The following USP28 variants were observed in gnomAD, a reference collection of about 807,000 sequenced individuals.
The protein encoded by USP28 is ubiquitin specific peptidase 28.
In USP28, 113 loss-of-function variants were observed where a neutral mutation model predicts 145.0. The ratio of observed to expected loss-of-function variants is 0.78; its 90% confidence interval spans 0.67 to 0.91. The LOEUF is 0.91. USP28 is among the 40% of genes least tolerant of loss of function. USP28 has a pLI of 0.00. For missense variants in USP28, 1,201 were observed against 1,289.6 expected (o/e 0.93, Z 1.05); for synonymous variants, 447 against 450.9 (o/e 0.99, Z 0.11).
intron 13 of USP28, among the ~76,000 whole-genome samples, chr11:113,816,565 T>C (rs2135516372): frequency 1.3e-5 from 2 of 152,132 alleles, no homozygotes; most frequent in Middle Eastern, 3.4e-3. Context: ...CTCCTCACTC[T>C]CTCACATGCA....
At position 113,815,179 on chromosome 11, in the gene USP28, A is replaced by G. The variant is rs766088233; in HGVS notation, c.1667T>C (p.Ile556Thr). 8 of 1,613,782 alleles carry G rather than the reference A, an allele frequency of 5.0e-6. No homozygotes were observed. The Admixed American group carries it at 5.0e-5, about 10-fold the overall frequency. The change falls in exon 14 of 25, where the codon ATA becomes ACA. Residue 556 changes from isoleucine (I) to threonine (T), a missense_variant. Transcript: ENST00000003302. Reference sequence around the variant, plus strand: ...CAAATTTTAAAAGAGCCAACCTTGTATATCTTGTTCAATCTCACTCCTCCA... The same window carrying G: ...CAAATTTTAAAAGAGCCAACCTTGTGTATCTTGTTCAATCTCACTCCTCCA...
intron 14 of USP28, 112 bp from the exon 15 acceptor site, chr11:113,814,067 C>A: frequency 2.7e-6 from 2 of 730,248 alleles, no homozygotes; most frequent in South Asian, 3.8e-5. Context: ...TTTCAGCTTC[C>A]CTCTATGAAC....
chr11:113,853,700 C>A (rs1384412462), intron 2 of USP28, among the ~76,000 whole-genome samples: 1 of 151,750 alleles, frequency 6.6e-6, no homozygotes, highest in African/African-American at 2.4e-5. Flanking sequence ...TATGGTGAAA[C>A]CCCGTCTCTA....
chr11:113,804,233 C>T (rs1939548553), intron 21 of USP28, among the ~76,000 whole-genome samples: 1 of 152,194 alleles, frequency 6.6e-6, no homozygotes, highest in Non-Finnish European at 1.5e-5. Context: ...TATGGAAGGA[C>T]ACGGACATTT....
chr11:113,833,288 A>G (rs562683125), intron 7 of USP28, 132 bp downstream of exon 7: 17 of 1,310,878 alleles, frequency 1.3e-5, no homozygotes, highest in Non-Finnish European at 1.8e-5. Flanking sequence ...TAGGCAAAAC[A>G]AAAGTCAGAA....
chr11:113,868,911 G>A lies in USP28; in HGVS notation c.57+6534C>T, dbSNP rs539756858. 6.9e-5 allele frequency among the ~76,000 whole-genome samples: 10 copies of A among 145,180 alleles called. No individual in the cohort carries two copies. The East Asian group carries it at 1.4e-3, about 21-fold the overall frequency. The stretch of plus-strand genomic sequence containing the variant: ...GCACTACTCCAGCCTAGGTGACAGA[G>A]TAAGACCATGTCTCAAAAAAAAAAA... On this transcript the variant is annotated intron_variant, in intron 1 of 24. Coordinates refer to ENST00000003302, the Ensembl canonical transcript of USP28.
chr11:113,838,740 CTCA>C lies in USP28; in HGVS notation c.534+1855_534+1857del, dbSNP rs1337748074. Among the ~76,000 whole-genome samples, 3 of 152,236 alleles carry C rather than the reference CTCA, an allele frequency of 2.0e-5. No individual in the cohort carries two copies. In the East Asian group the frequency reaches 5.8e-4, roughly 29 times the overall value. The stretch of plus-strand genomic sequence containing the variant: ...CATTCATCTTTACACTTGTCACCTC[CTCA>C]TGTTTTGTTTACTGTCTGTGCCACT... On this transcript the variant is annotated intron_variant, in intron 5 of 24. Coordinates refer to ENST00000003302, the Ensembl canonical transcript of USP28.
At chr11:113,823,509 T>A in intron 12 of USP28, 96 bp downstream of exon 12, 1 of 965,374 alleles carries the variant, frequency 1.0e-6, no homozygotes, top group Non-Finnish European at 1.5e-6. Context: ...ATATTCTAGT[T>A]AATATTTAAA....
chr11:113,822,659 A>C (rs577790125), intron 12 of USP28, among the ~76,000 whole-genome samples: 1 of 152,382 alleles, frequency 6.6e-6, no homozygotes, highest in African/African-American at 2.4e-5. Flanking sequence ...CCAGCCTTAC[A>C]AAGTATCACT....
At chr11:113,839,527 T>G (rs1397675977) in intron 5 of USP28, among the ~76,000 whole-genome samples, 1 of 151,828 alleles carries the variant, frequency 6.6e-6, no homozygotes, top group African/African-American at 2.4e-5. Flanking sequence ...AGAAGTTGCA[T>G]TGAGCCTAGA....
intron 3 of USP28, among the ~76,000 whole-genome samples, chr11:113,845,749 A>G (rs567343947): frequency 1.3e-5 from 2 of 152,226 alleles, no homozygotes; most frequent in Admixed American, 6.5e-5. Flanking sequence ...TAATTTTTCT[A>G]TCTTTTGTAG....
At position 113,850,503 on chromosome 11, in the gene USP28, A is replaced by G. The variant is rs553847046; in HGVS notation, c.268+1998T>C. On this transcript the variant is annotated intron_variant, in intron 3 of 24. Coordinates refer to ENST00000003302, the Ensembl canonical transcript of USP28. ...CCGAAAAAAGTTGCAGTGTGTACCA[A>G]GAGAAACATATGAGAATACTCACAG... Among the ~76,000 whole-genome samples the G allele has an allele frequency of 6.0e-4, 91 of 152,370 alleles. 1 individual carries two copies. Among genetic ancestry groups the G allele is most frequent in the African/African-American group, 2.0e-3 (84 of 41,590 alleles).
chr11:113,818,775 C>T (rs1942150719), intron 12 of USP28, among the ~76,000 whole-genome samples: 3 of 151,804 alleles, frequency 2.0e-5, no homozygotes, highest in Admixed American at 1.3e-4. Context: ...GCAGGAGGAT[C>T]GCTTGAGCCT....
intron 5 of USP28, among the ~76,000 whole-genome samples, chr11:113,839,738 C>A (rs537115589): frequency 9.2e-5 from 14 of 151,662 alleles, no homozygotes; most frequent in African/African-American, 3.4e-4. Flanking sequence ...AAAAATTAGC[C>A]GGGTGGCCAG....
chr11:113,843,428 T>C (rs1945429445), intron 3 of USP28, among the ~76,000 whole-genome samples: 1 of 152,206 alleles, frequency 6.6e-6, no homozygotes, highest in East Asian at 1.9e-4. Flanking sequence ...TCCCAGCACT[T>C]TGGGATGCCA....
exon 25 of USP28, chr11:113,798,705 G>A (rs1938390670): frequency 6.6e-6 from 1 of 152,622 alleles, no homozygotes; most frequent in Non-Finnish European, 1.5e-5. Context: ...TGCCATGTGA[G>A]CTTATATTCT....
intron 10 of USP28, among the ~76,000 whole-genome samples, chr11:113,828,357 G>A (rs780567594): frequency 6.6e-6 from 1 of 152,214 alleles, no homozygotes; most frequent in Non-Finnish European, 1.5e-5. Flanking sequence ...GGATGCACCA[G>A]GTTTGCACAG....
intron 1 of USP28, among the ~76,000 whole-genome samples, chr11:113,856,327 T>C (rs1279396470): frequency 6.6e-6 from 1 of 152,142 alleles, no homozygotes; most frequent in East Asian, 1.9e-4. Context: ...AATACCAAAC[T>C]AGCGTCAAGA....
intron 18 of USP28, among the ~76,000 whole-genome samples, chr11:113,806,806 T>C (rs1183094914): frequency 6.6e-6 from 1 of 152,200 alleles, no homozygotes; most frequent in Non-Finnish European, 1.5e-5. Context: ...AAGCTATTCC[T>C]ACGCTCTATG....
Sources: allele counts gnomAD v4.1 joint callset (sites outside exome capture counted in the v4.1 genomes callset), GRCh38; gene constraint gnomAD v4.1.1; transcripts MANE v1.5; gene names NCBI Gene and HGNC (gene_info 2026-07-23, HGNC 2026-07-21).